Variants in LSM3 observed in about 807,000 individuals in gnomAD.
LSM3 encodes the protein LSM3 homolog, U6 small nuclear RNA and mRNA degradation associated.
In LSM3, 14 loss-of-function variants were observed where a neutral mutation model predicts 15.4. The ratio of observed to expected loss-of-function variants is 0.91; its 90% CI spans 0.60 to 1.42. The LOEUF is 1.42. LSM3 is among the 40% of genes most tolerant of loss of function. The probability of loss-of-function intolerance (pLI) is 0.00; values close to 1 mark genes in which losing one functional copy is unlikely to be tolerated. For synonymous variants in LSM3, 46 were observed against 45.1 expected, an observed-to-expected ratio of 1.02 and a Z score of -0.08; for missense variants, 88 against 127.9, an observed-to-expected ratio of 0.69 and a Z score of 1.50.
At chr3:14,191,281 G>T (rs1416658023) in intron 3 of LSM3, among the ~76,000 whole-genome samples, 1 of 152,186 alleles carries the variant, frequency 6.6e-6, no homozygotes, top group South Asian at 2.1e-4. Context: ...TTGGTATCAG[G>T]ATGATGCTGG....
rs984728766 is a variant in LSM3 at position 14,193,592 on chromosome 3, T to A, written c.229-4444T>A. On this transcript the variant is annotated intron_variant, in intron 3 of 3. Coordinates refer to ENST00000306024, the MANE Select transcript of LSM3 (RefSeq NM_014463.3). ...TCAGCTATTGATACTTGTTTATTCT[T>A]TGCGAAGTTCTTGTGCTATGTTTTT... 3.9e-5 allele frequency among the ~76,000 whole-genome samples: 6 copies of A among 152,248 alleles called. No homozygotes were observed. The South Asian group carries it at 1.2e-3, about 31-fold the overall frequency.
intron 3 of LSM3, among the ~76,000 whole-genome samples, chr3:14,195,298 CT>C (rs1176242479): frequency 1.3e-5 from 2 of 152,046 alleles, no homozygotes; most frequent in East Asian, 3.9e-4. Context: ...TGATATGACC[CT>C]AGCCAACTGT....
Position 14,181,672 on chromosome 3 carries a change from T to G in LSM3, c.132+2T>G. The G allele has an allele frequency of 6.3e-7, 1 of 1,595,568 alleles. No homozygotes were observed. Among genetic ancestry groups the G allele is most frequent in the Non-Finnish European group, 8.6e-7 (1 of 1,163,168 alleles). Reference sequence around the variant, plus strand: ...CGAGAGCTTCGAGGCAGATTACATGTAAGTAAATTTATCAAGTTACCTTGA... The same window carrying G: ...CGAGAGCTTCGAGGCAGATTACATGGAAGTAAATTTATCAAGTTACCTTGA... On this transcript the variant is annotated splice_donor_variant, in intron 2 of 3. Coordinates refer to ENST00000306024, the MANE Select transcript of LSM3 (RefSeq NM_014463.3). LOFTEE classifies it high-confidence loss of function.
intron 3 of LSM3, among the ~76,000 whole-genome samples, chr3:14,197,275 A>C (rs1206106148): frequency 6.6e-6 from 1 of 152,272 alleles, no homozygotes; most frequent in African/African-American, 2.4e-5. Context: ...TTAGGCTAAC[A>C]GCAACATCTA....
intron 2 of LSM3, 38 bp downstream of exon 2, chr3:14,181,708 C>T: frequency 7.3e-7 from 1 of 1,378,414 alleles, no homozygotes. Flanking sequence ...AATCAGATTC[C>T]TTCCTACCCC....
At chr3:14,191,045 CAT>C (rs1697134495) in intron 3 of LSM3, among the ~76,000 whole-genome samples, 2 of 152,110 alleles carry the variant, frequency 1.3e-5, no homozygotes, top group Admixed American at 6.5e-5. Context: ...CTGGCATAAT[CAT>C]GTGGTTTTTG....
chr3:14,192,662 T>G (rs12638202), intron 3 of LSM3, among the ~76,000 whole-genome samples: 1 of 152,244 alleles, frequency 6.6e-6, no homozygotes, highest in African/African-American at 2.4e-5. Context: ...ATTTTGTGCC[T>G]ATGTGTGTGT....
intron 3 of LSM3, among the ~76,000 whole-genome samples, chr3:14,185,028 G>A (rs1574988043): frequency 2.0e-5 from 3 of 151,718 alleles, no homozygotes; most frequent in Admixed American, 1.3e-4. Flanking sequence ...TTGCCCTCCA[G>A]CCTTGTCAAC....
At position 14,184,033 on chromosome 3, in the gene LSM3, G is replaced by A. The variant is rs747037189; in HGVS notation, c.228+1G>A. On this transcript the variant is annotated splice_donor_variant, in intron 3 of 3. Coordinates refer to ENST00000306024, the MANE Select transcript of LSM3 (RefSeq NM_014463.3). LOFTEE classifies it high-confidence loss of function. ...AGAAACATATGAAGAGATATATAAAGTAAGTCATGCAATTCTATTCATTGC... is the reference window on the plus strand; with the variant it reads ...AGAAACATATGAAGAGATATATAAAATAAGTCATGCAATTCTATTCATTGC... 1.1e-5 allele frequency: 18 copies of A among 1,603,298 alleles called. No individual in the cohort carries two copies. Among genetic ancestry groups the A allele is most frequent in the Non-Finnish European group, 1.5e-5 (18 of 1,176,762 alleles).
intron 3 of LSM3, among the ~76,000 whole-genome samples, chr3:14,192,056 A>G (rs992954754): frequency 6.6e-6 from 1 of 152,298 alleles, no homozygotes; most frequent in Admixed American, 6.5e-5. Context: ...GTCATTCAGG[A>G]GCAGGTTGTT....
intron 1 of LSM3, among the ~76,000 whole-genome samples, chr3:14,179,209 C>T (rs1290322548): frequency 6.6e-6 from 1 of 152,134 alleles, no homozygotes; most frequent in Non-Finnish European, 1.5e-5. Flanking sequence ...GTGAGCGCAA[C>T]AATTATTTAT....
intron 3 of LSM3, among the ~76,000 whole-genome samples, chr3:14,185,057 C>CAA (rs200964569): frequency 3.8e-5 from 5 of 132,622 alleles, no homozygotes; most frequent in East Asian, 2.1e-4. Context: ...AACGCTGTCT[C>CAA]AAAAAAAAAA....
At chr3:14,180,820 CCTTTTTTTT>C (rs1178644219) in intron 1 of LSM3, among the ~76,000 whole-genome samples, 5 of 51,398 alleles carry the variant, frequency 9.7e-5, no homozygotes, top group African/African-American at 3.1e-4. Context: ...TGCTTGCTTG[CCTTTTTTTT>C]TTTTTTTTTT....
At chr3:14,183,601 T>C (rs1229970584) in intron 2 of LSM3, among the ~76,000 whole-genome samples, 1 of 152,260 alleles carries the variant, frequency 6.6e-6, no homozygotes, top group Non-Finnish European at 1.5e-5. Flanking sequence ...ATGAATCTGC[T>C]GTTTTTCATA....
chr3:14,198,437 TA>T lies in LSM3; in HGVS notation c.*323del. 3.2e-6 allele frequency: 1 copy of T among 316,848 alleles called. No homozygotes were observed. The highest frequency in any genetic ancestry group is 5.8e-6 in the Non-Finnish European group (1 of 172,056). 19.6% of individuals were successfully genotyped at this position (316,848 alleles called of 1,614,324 possible). A position where few individuals can be genotyped will look rare whatever the true frequency, so the allele number is the denominator to read the frequency against. ...ATTGGTGTTTCCTTGTAGATTTTTT[TA>T]AGTGCGGTCTTCTGTCTTGTGAATT... On this transcript the variant is annotated 3_prime_UTR_variant, in exon 4 of 4. Coordinates refer to ENST00000306024, the MANE Select transcript of LSM3 (RefSeq NM_014463.3).
Position 14,192,226 on chromosome 3 carries a change from G to A in LSM3, c.229-5810G>A, listed in dbSNP as rs368885484. ...TTATGTGGTCAATTTTAGAATAAGT[G>A]TGATGTGGTGCTGAGAAGAATGTGT... On this transcript the variant is annotated intron_variant, in intron 3 of 3. Transcript: ENST00000306024. 7.0e-4 allele frequency among the ~76,000 whole-genome samples: 107 copies of A among 152,340 alleles called. 1 individual carries two copies. The South Asian group carries it at 0.02, about 29-fold the overall frequency.
intron 3 of LSM3, among the ~76,000 whole-genome samples, chr3:14,188,058 A>T (rs984950560): frequency 6.6e-6 from 1 of 152,132 alleles, no homozygotes; most frequent in East Asian, 1.9e-4. Context: ...AAGGCCTTCT[A>T]CAGCATCAGA....
At position 14,200,462 on chromosome 3, in the gene LSM3, G is replaced by A. The variant is rs959809925; in HGVS notation, c.*2346G>A. On this transcript the variant is annotated 3_prime_UTR_variant, in exon 4 of 4. Transcript: ENST00000306024. ...GGACTTCTGAGTCTGCAGAGCACTC[G>A]GCTCCAGCCAGCTGGATGGCAGGTG... 1.3e-5 allele frequency: 2 copies of A among 152,350 alleles called. No homozygotes were observed. Among genetic ancestry groups the A allele is most frequent in the East Asian group, 1.9e-4 (1 of 5,182 alleles). The allele number at this position is 152,350 out of a possible 1,614,324, so 9.4% of individuals were successfully genotyped here. A position where few individuals can be genotyped will look rare whatever the true frequency, so the allele number is the denominator to read the frequency against.
At chr3:14,183,033 A>G (rs919021876) in intron 2 of LSM3, among the ~76,000 whole-genome samples, 1 of 152,194 alleles carries the variant, frequency 6.6e-6, no homozygotes, top group Non-Finnish European at 1.5e-5. Context: ...TGGGAATACA[A>G]ATGGAATTGA....
Sources: gnomAD v4.1 joint callset for allele counts (sites outside exome capture counted in the v4.1 genomes callset) on GRCh38, gnomAD v4.1.1 for gene constraint, MANE v1.5 for transcripts, NCBI Gene and HGNC (gene_info 2026-07-23, HGNC 2026-07-21) for gene names.